Variants in RABGAP1 observed in about 807,000 individuals in gnomAD.
RABGAP1 encodes the protein rab GTPase-activating protein 1.
Under a neutral mutation model 137.6 loss-of-function variants are expected in RABGAP1, and 23 were observed. The ratio of observed to expected loss-of-function variants is 0.17; its 90% CI spans 0.12 to 0.24. The LOEUF is 0.24. Ranked by LOEUF, RABGAP1 falls within the 10% of genes least tolerant of loss-of-function variation. The pLI is 1.00. For missense variants in RABGAP1, 906 were observed against 1,275.8 expected (o/e 0.71, Z 4.42); for synonymous variants, 451 against 450.7 (o/e 1.00, Z -0.01).
intron 10 of RABGAP1, among the ~76,000 whole-genome samples, chr9:123,008,687 A>G (rs774484961): frequency 6.6e-6 from 1 of 152,210 alleles, no homozygotes; most frequent in Non-Finnish European, 1.5e-5. Context: ...AGAGTTAAAA[A>G]TCATAATTAT....
chr9:123,085,708 G>T (rs1418195239), intron 19 of RABGAP1, among the ~76,000 whole-genome samples: 1 of 152,106 alleles, frequency 6.6e-6, no homozygotes, highest in Non-Finnish European at 1.5e-5. Context: ...ATGAGTCTTG[G>T]ACTTCTAAGT....
At chr9:123,020,159 A>G (rs2031530276) in intron 12 of RABGAP1, 150 bp from the exon 13 acceptor site, 4 of 569,194 alleles carry the variant, frequency 7.0e-6, no homozygotes, top group Non-Finnish European at 1.1e-5. Flanking sequence ...TCTTGGCCTC[A>G]TCTAATTCAG....
intron 13 of RABGAP1, among the ~76,000 whole-genome samples, chr9:123,041,328 T>C (rs1365517543): frequency 6.6e-6 from 1 of 152,206 alleles, no homozygotes; most frequent in Non-Finnish European, 1.5e-5. Flanking sequence ...TTTTTTCTTA[T>C]ATTCTACATT....
At chr9:123,032,920 G>T (rs759911919) in intron 13 of RABGAP1, among the ~76,000 whole-genome samples, 1 of 152,156 alleles carries the variant, frequency 6.6e-6, no homozygotes, top group Admixed American at 6.5e-5. Context: ...GTAGAAGAAG[G>T]TACATTTACT....
At chr9:122,994,032 C>T (rs557977610) in intron 6 of RABGAP1, among the ~76,000 whole-genome samples, 2 of 152,122 alleles carry the variant, frequency 1.3e-5, no homozygotes, top group East Asian at 1.9e-4. Context: ...ATCCACTAAC[C>T]GTCCTCATGA....
chr9:122,941,934 A>T (rs1264421162), intron 1 of RABGAP1, among the ~76,000 whole-genome samples: 1 of 152,236 alleles, frequency 6.6e-6, no homozygotes. Flanking sequence ...GTGTTAAGTG[A>T]TCATGCTGCT....
At chr9:122,949,406 T>A (rs1406869472) in intron 1 of RABGAP1, among the ~76,000 whole-genome samples, 1 of 151,894 alleles carries the variant, frequency 6.6e-6, no homozygotes, top group Non-Finnish European at 1.5e-5. Flanking sequence ...CCCAGCTACT[T>A]GGGAGCCTGA....
At chr9:123,090,035 C>G (rs1174477429) in intron 20 of RABGAP1, among the ~76,000 whole-genome samples, 185 bp downstream of exon 20, 2 of 152,184 alleles carry the variant, frequency 1.3e-5, no homozygotes, top group African/African-American at 4.8e-5. Context: ...TGTTACAGTT[C>G]AGTGGCTTTT....
intron 13 of RABGAP1, among the ~76,000 whole-genome samples, chr9:123,048,461 T>C (rs940027922): frequency 2.0e-5 from 3 of 152,220 alleles, no homozygotes; most frequent in African/African-American, 7.2e-5. Flanking sequence ...TTGCATGTTA[T>C]TAGTAGGTGA....
chr9:122,992,105 C>T (rs556442152), intron 6 of RABGAP1, among the ~76,000 whole-genome samples: 16 of 151,956 alleles, frequency 1.1e-4, no homozygotes, highest in African/African-American at 2.7e-4. Context: ...GGCACGATCA[C>T]GGTTCACCGC....
chr9:122,962,531 A>T (rs1834905828), intron 2 of RABGAP1, among the ~76,000 whole-genome samples: 1 of 152,148 alleles, frequency 6.6e-6, no homozygotes, highest in Non-Finnish European at 1.5e-5. Flanking sequence ...AAAAAAAAAA[A>T]TAATAAAAAT....
In RABGAP1 at chr9:123,099,565, ACC is replaced by A. The variant is rs760947655; in HGVS notation, c.2889+17_2889+18del. Reference sequence around the variant, plus strand: ...GAAAATTCGGGTAAGACTTCTCTTTACCTAAAAGATTTTATACCACCTACTTC... The same window carrying A: ...GAAAATTCGGGTAAGACTTCTCTTTATAAAAGATTTTATACCACCTACTTC... On this transcript the variant is annotated intron_variant, in intron 24 of 25. Coordinates refer to ENST00000373647, the MANE Select transcript of RABGAP1 (RefSeq NM_012197.4). 2 of 1,583,692 alleles carry A rather than the reference ACC, an allele frequency of 1.3e-6. No homozygotes were observed. The highest frequency in any genetic ancestry group is 1.7e-6 in the Non-Finnish European group (2 of 1,152,666).
intron 13 of RABGAP1, among the ~76,000 whole-genome samples, chr9:123,047,203 C>G (rs1188438147): frequency 6.6e-6 from 1 of 152,176 alleles, no homozygotes; most frequent in African/African-American, 2.4e-5. Flanking sequence ...TCTTTCAGTA[C>G]TAATCAAAAT....
intron 2 of RABGAP1, among the ~76,000 whole-genome samples, chr9:122,979,141 A>G (rs558937305): frequency 3.9e-5 from 6 of 152,062 alleles, no homozygotes; most frequent in Admixed American, 2.6e-4. Flanking sequence ...CACACAGTCC[A>G]CCTGCCTCAG....
chr9:123,097,323 G>A (rs1476689666), intron 21 of RABGAP1, among the ~76,000 whole-genome samples: 2 of 152,196 alleles, frequency 1.3e-5, no homozygotes, highest in African/African-American at 4.8e-5. Flanking sequence ...AACACAGCTT[G>A]GAGGAAGAAA....
At chr9:123,066,001 T>C (rs760702980) in intron 14 of RABGAP1, among the ~76,000 whole-genome samples, 2 of 152,204 alleles carry the variant, frequency 1.3e-5, no homozygotes, top group African/African-American at 2.4e-5. Context: ...TTAGAGCTAT[T>C]GGGTTATAAA....
At chr9:123,064,031 C>T (rs532069461) in intron 13 of RABGAP1, among the ~76,000 whole-genome samples, 27 of 152,254 alleles carry the variant, frequency 1.8e-4, no homozygotes, top group African/African-American at 6.3e-4. Flanking sequence ...TGCGTGCTCT[C>T]TCACTCGCTC....
chr9:123,007,553 AT>A (rs34448685), intron 10 of RABGAP1, among the ~76,000 whole-genome samples: 4,079 of 104,494 alleles, frequency 0.039, 165 homozygotes, highest in African/African-American at 0.1. Flanking sequence ...AAGTTTTTGT[AT>A]TTTTTTTTTT....
rs1227722675 is a variant in RABGAP1, at chr9:122,990,069, TTTACAG to T, written c.782_787del (p.Tyr261_Ser262del). On this transcript the variant is annotated inframe_deletion, in exon 6 of 26. Transcript: ENST00000373647. ...GTCTGGTTGTAGGTAAGCCGGATAC[TTTACAG>T]TTTTGCCACTGCCTTCCGCCGTTCT... 3.7e-6 allele frequency: 6 copies of T among 1,607,558 alleles called. No individual in the cohort carries two copies. The highest frequency in any genetic ancestry group is 5.1e-6 in the Non-Finnish European group (6 of 1,174,712).
Sources: gnomAD v4.1 joint callset for allele counts (sites outside exome capture counted in the v4.1 genomes callset) on GRCh38, gnomAD v4.1.1 for gene constraint, MANE v1.5 for transcripts, NCBI Gene and HGNC (gene_info 2026-07-23, HGNC 2026-07-21) for gene names.